AGBL4: variants seen among roughly 807,000 people sequenced by gnomAD.
AGBL4 encodes AGBL carboxypeptidase 4.
Under a neutral mutation model 66.4 loss-of-function variants are expected in AGBL4, and 58 were observed. That is an observed-to-expected ratio of 0.87 (90% confidence interval 0.71 to 1.09). The LOEUF (loss-of-function observed/expected upper bound fraction) is 1.09. Ranked by LOEUF, AGBL4 falls within the 50% of genes least tolerant of loss-of-function variation. The pLI is 0.00. For missense variants in AGBL4, 579 were observed against 631.0 expected (o/e 0.92, Z 0.88); for synonymous variants, 234 against 222.9 (o/e 1.05, Z -0.44).
chr1:49,571,607 T>G (rs149716695), intron 3 of AGBL4, among the ~76,000 whole-genome samples: 1 of 152,140 alleles, frequency 6.6e-6, no homozygotes, highest in Non-Finnish European at 1.5e-5. Context: ...TTCAGAAGTA[T>G]GTAGACAAGT....
intron 6 of AGBL4, among the ~76,000 whole-genome samples, chr1:48,696,137 A>G (rs1646710579): frequency 6.6e-6 from 1 of 152,052 alleles, no homozygotes; most frequent in African/African-American, 2.4e-5. Flanking sequence ...GAAATATTAG[A>G]GATATTTTAT....
At chr1:49,137,536 G>T (rs1646035145) in intron 4 of AGBL4, among the ~76,000 whole-genome samples, 1 of 152,102 alleles carries the variant, frequency 6.6e-6, no homozygotes, top group Non-Finnish European at 1.5e-5. Context: ...AGGTTAATAT[G>T]CATGATACTG....
intron 3 of AGBL4, among the ~76,000 whole-genome samples, chr1:49,541,434 G>C (rs556152577): frequency 3.3e-5 from 5 of 152,320 alleles, no homozygotes; most frequent in Middle Eastern, 6.8e-3. Flanking sequence ...GGAGCAGTCA[G>C]CAGGTGCTGC....
At chr1:49,916,153 T>C (rs1040803544) in intron 1 of AGBL4, among the ~76,000 whole-genome samples, 1 of 152,094 alleles carries the variant, frequency 6.6e-6, no homozygotes, top group Non-Finnish European at 1.5e-5. Flanking sequence ...GCAGAAAAGC[T>C]GAAAATTCTA....
At position 48,676,223 on chromosome 1, in the gene AGBL4, C is replaced by A. The variant is rs116811133; in HGVS notation, c.635-12982G>T. 8.5e-5 allele frequency among the ~76,000 whole-genome samples: 13 copies of A among 152,372 alleles called. 1 individual carries two copies. Among genetic ancestry groups the A allele is most frequent in the East Asian group, 3.9e-4 (2 of 5,192 alleles). ...CTTTCAGTATTACTGATTTCAGAAACCTTCAGTCCTACCTTCCACCTTCTG... is the reference window on the plus strand; with the variant it reads ...CTTTCAGTATTACTGATTTCAGAAAACTTCAGTCCTACCTTCCACCTTCTG... On this transcript the variant is annotated intron_variant, in intron 6 of 13. Coordinates refer to ENST00000371839, the MANE Select transcript of AGBL4 (RefSeq NM_032785.4).
chr1:49,049,315 A>G (rs1209120855), intron 4 of AGBL4, among the ~76,000 whole-genome samples: 2 of 152,098 alleles, frequency 1.3e-5, no homozygotes. Flanking sequence ...GAACAAATCA[A>G]TGTATAACTG....
chr1:49,344,017 T>A (rs1391213889), intron 3 of AGBL4, among the ~76,000 whole-genome samples: 1 of 152,198 alleles, frequency 6.6e-6, no homozygotes, highest in Non-Finnish European at 1.5e-5. Flanking sequence ...TTGATAACTG[T>A]TCAATTTACC....
intron 2 of AGBL4, among the ~76,000 whole-genome samples, chr1:49,755,905 G>A (rs973698144): frequency 7.2e-5 from 11 of 152,064 alleles, no homozygotes; most frequent in African/African-American, 2.7e-4. Flanking sequence ...CTTATTCAAT[G>A]GCTCAGTTAG....
chr1:49,447,003 T>C (rs1488852146), intron 3 of AGBL4, among the ~76,000 whole-genome samples: 2 of 152,050 alleles, frequency 1.3e-5, no homozygotes, highest in African/African-American at 4.8e-5. Context: ...ACCAGTTGGG[T>C]CACAGTCACC....
In AGBL4 at chr1:48,587,148, G is replaced by A. The variant is rs753216988; in HGVS notation, c.1123C>T (p.Arg375Trp). The change falls in exon 11 of 14, where the codon CGG becomes TGG. Residue 375 changes from arginine (R) to tryptophan (W), a missense_variant. Coordinates refer to ENST00000371839, the MANE Select transcript of AGBL4 (RefSeq NM_032785.4). ...CCAGTTCCTGCTTTCACAGCGTCCC[G>A]GTTAAAGGATGTGCTGGACTGTGAA... ...DFSYSSTSFN[R>W]DAVKAGTGRR... The A allele has an allele frequency of 1.2e-5, 18 of 1,555,264 alleles. No individual in the cohort carries two copies. Among genetic ancestry groups the A allele is most frequent in the African/African-American group, 2.7e-5 (2 of 73,214 alleles).
chr1:49,076,637 G>T (rs1269327935), intron 4 of AGBL4, among the ~76,000 whole-genome samples: 4 of 152,182 alleles, frequency 2.6e-5, no homozygotes, highest in African/African-American at 7.2e-5. Context: ...AATCCCCATA[G>T]CATGTGCTTC....
chr1:49,615,034 T>C lies in AGBL4; in HGVS notation c.282+82279A>G, dbSNP rs201055132. Among the ~76,000 whole-genome samples, 6 of 152,274 alleles carry C rather than the reference T, an allele frequency of 3.9e-5. No individual in the cohort carries two copies. The East Asian group carries it at 1.2e-3, about 29-fold the overall frequency. ...AAGAAAATTGAGATATAGAACAATT[T>C]AGTACCTTGAGAGAAGCCACCCAAC... On this transcript the variant is annotated intron_variant, in intron 3 of 13. Transcript: ENST00000371839.
At chr1:49,880,747 C>A (rs1185605355) in intron 1 of AGBL4, among the ~76,000 whole-genome samples, 13 of 152,064 alleles carry the variant, frequency 8.5e-5, no homozygotes. Flanking sequence ...TGGCGGGCGC[C>A]CCTCCCCCAG....
Position 49,742,411 on chromosome 1 carries a change from C to G in AGBL4, c.158-44974G>C, listed in dbSNP as rs1204252663. Among the ~76,000 whole-genome samples, 4 of 152,196 alleles carry G rather than the reference C, an allele frequency of 2.6e-5. No homozygotes were observed. In the South Asian group the frequency reaches 6.2e-4, roughly 24 times the overall value. ...TCAACGAAATAAAAGAGAATACAAA[C>G]AAATGGAAGAACATTCCATGCTCAT... On this transcript the variant is annotated intron_variant, in intron 2 of 13. Coordinates refer to ENST00000371839, the MANE Select transcript of AGBL4 (RefSeq NM_032785.4).
chr1:48,687,920 G>GCTCCTCCTCCAGCTA (rs1553207445), intron 6 of AGBL4, among the ~76,000 whole-genome samples: 6 of 152,202 alleles, frequency 3.9e-5, no homozygotes, highest in Admixed American at 6.5e-5. Flanking sequence ...CAGAACAGCT[G>GCTCCTCCTCCAGCTA]CTCCTCCTCC....
Position 49,381,764 on chromosome 1 carries a change from T to C in AGBL4, c.283-135900A>G, listed in dbSNP as rs1245396886. On this transcript the variant is annotated intron_variant, in intron 3 of 13. Coordinates refer to ENST00000371839, the MANE Select transcript of AGBL4 (RefSeq NM_032785.4). ...CGCAAGGACAAAAAACCAAACACGG[T>C]ATATTCTCACTCATAGGTGGGAATT... 1.4e-4 allele frequency among the ~76,000 whole-genome samples: 20 copies of C among 146,420 alleles called. No individual in the cohort carries two copies. In the East Asian group the frequency reaches 3.6e-3, roughly 26 times the overall value.
chr1:49,530,836 C>T (rs1651084420), intron 3 of AGBL4, among the ~76,000 whole-genome samples: 1 of 151,972 alleles, frequency 6.6e-6, no homozygotes, highest in African/African-American at 2.4e-5. Flanking sequence ...TGTTAGACTA[C>T]CTGGATTCAA....
At chr1:48,757,726 A>G (rs1440836195) in intron 6 of AGBL4, among the ~76,000 whole-genome samples, 1 of 152,248 alleles carries the variant, frequency 6.6e-6, no homozygotes, top group African/African-American at 2.4e-5. Flanking sequence ...AGAATAAATC[A>G]AAGAAGAATG....
At chr1:48,771,541 T>G (rs572132438) in intron 6 of AGBL4, among the ~76,000 whole-genome samples, 2 of 152,336 alleles carry the variant, frequency 1.3e-5, no homozygotes, top group African/African-American at 4.8e-5. Flanking sequence ...AACATCCCAG[T>G]AGAATCCGCA....
Sources: allele counts gnomAD v4.1 joint callset (sites outside exome capture counted in the v4.1 genomes callset), GRCh38; gene constraint gnomAD v4.1.1; transcripts MANE v1.5; gene names NCBI Gene and HGNC (gene_info 2026-07-23, HGNC 2026-07-21).